IL34: variants seen among roughly 807,000 people sequenced by gnomAD.
IL34 encodes interleukin 34, also known as interleukin-34.
A neutral mutation model predicts 25.3 loss-of-function variants in IL34; 17 were observed. The ratio of observed to expected loss-of-function variants is 0.67; its 90% CI spans 0.46 to 1.01. IL34 has a LOEUF of 1.01. Among genes scored for constraint, IL34 ranks in the 50% least tolerant of loss-of-function variants. The pLI, the probability that IL34 is intolerant of heterozygous loss-of-function variation, is 0.00. For synonymous variants in IL34, 174 were observed against 140.9 expected, an observed-to-expected ratio of 1.23 and a Z score of -1.66; for missense variants, 368 against 312.9, an observed-to-expected ratio of 1.18 and a Z score of -1.33.
upstream of IL34, among the ~76,000 whole-genome samples, chr16:70,642,278 G>C (rs373543288): frequency 4.6e-5 from 7 of 150,726 alleles, no homozygotes; most frequent in Non-Finnish European, 7.4e-5. Context: ...CAGAGAGAGT[G>C]AGCGTACTCT....
At chr16:70,629,967 T>C (rs957997119) in intron 1 of IL34, among the ~76,000 whole-genome samples, 4 of 152,338 alleles carry the variant, frequency 2.6e-5, no homozygotes, top group South Asian at 2.1e-4. Flanking sequence ...GTCTATGTTT[T>C]TGTACCAACC....
chr16:70,634,070 C>CA (rs906585362), intron 1 of IL34, among the ~76,000 whole-genome samples: 1 of 151,928 alleles, frequency 6.6e-6, no homozygotes, highest in African/African-American at 2.4e-5. Context: ...AGGCTAGTCT[C>CA]AAACACCTGA....
intron 1 of IL34, among the ~76,000 whole-genome samples, chr16:70,607,412 C>G (rs919480118): frequency 6.6e-6 from 1 of 152,130 alleles, no homozygotes; most frequent in East Asian, 1.9e-4. Context: ...GCTGGATTTT[C>G]TATATAGATG....
chr16:70,645,667 GT>G (rs1345947067), upstream of IL34, among the ~76,000 whole-genome samples: 1 of 152,188 alleles, frequency 6.6e-6, no homozygotes, highest in Admixed American at 6.5e-5. Flanking sequence ...CCTTGGACAA[GT>G]GTCTTAACCT....
At chr16:70,605,489 A>G (rs2050989034) in intron 1 of IL34, among the ~76,000 whole-genome samples, 1 of 151,772 alleles carries the variant, frequency 6.6e-6, no homozygotes, top group Admixed American at 6.6e-5. Flanking sequence ...CCCAAATGAA[A>G]CTCTACCCAT....
At chr16:70,648,572 A>AAAG (rs1350295462) in intron 1 of IL34, among the ~76,000 whole-genome samples, 1 of 150,632 alleles carries the variant, frequency 6.6e-6, no homozygotes, top group African/African-American at 2.4e-5. Flanking sequence ...AAAAAAAAAA[A>AAAG]AAAGGAGAAA....
intron 1 of IL34, among the ~76,000 whole-genome samples, chr16:70,588,565 A>G (rs576332806): frequency 6.6e-6 from 1 of 152,166 alleles, no homozygotes; most frequent in Non-Finnish European, 1.5e-5. Context: ...ATATACCAAA[A>G]AGAACTAAAA....
intron 2 of IL34, among the ~76,000 whole-genome samples, chr16:70,656,233 C>G (rs965157773): frequency 3.3e-5 from 5 of 152,186 alleles, no homozygotes; most frequent in African/African-American, 1.2e-4. Context: ...GTTCTCTCCT[C>G]CTACATCAAA....
In IL34 at chr16:70,601,762, G is replaced by T. The variant is rs531798843; in HGVS notation, c.-401+21713G>T. 5.1e-4 allele frequency among the ~76,000 whole-genome samples: 77 copies of T among 152,312 alleles called. No homozygotes were observed. The South Asian group carries it at 0.014, about 28-fold the overall frequency. Reference sequence around the variant, plus strand: ...GTTTCCCAGCAGCCCCAGGTGGGATGGGGACAGAGGGAATGAAAGGCTATC... The same window carrying T: ...GTTTCCCAGCAGCCCCAGGTGGGATTGGGACAGAGGGAATGAAAGGCTATC... On this transcript the variant is annotated intron_variant, in intron 1 of 6. Coordinates refer to the IL34 transcript ENST00000429149.
Position 70,660,064 on chromosome 16 carries a change from G to T in IL34, c.606G>T (p.Glu202Asp). Residue 202 changes from glutamate to aspartate, a missense_variant, in exon 6 of 6, where the codon GAG becomes GAT. Coordinates refer to ENST00000288098, the MANE Select transcript of IL34 (RefSeq NM_001393494.1). ...CAAGTCCTCAGTCTTGCAGCCCAGA[G>T]CCCTCATTGCAGTATGCGGCCACCC... ...EVPSPQSCSP[E>D]PSLQYAATQL... 1 of 1,613,644 alleles carries T rather than the reference G, an allele frequency of 6.2e-7. No individual in the cohort carries two copies. The highest frequency in any genetic ancestry group is 1.1e-5 in the South Asian group (1 of 91,064).
rs1253810022 is a variant in IL34 at position 70,599,305 on chromosome 16, C to CTTTCTTTTCTTTCTTTCTTTCTTTCTTCT, written c.-401+19258_-401+19259insTCTTTTCTTTCTTTCTTTCTTTCTTCTTT. Among the ~76,000 whole-genome samples the CTTTCTTTTCTTTCTTTCTTTCTTTCTTCT allele has an allele frequency of 5.0e-4, 30 of 60,320 alleles. No homozygotes were observed. In the East Asian group the frequency reaches 8.2e-3, roughly 17 times the overall value. 39.6% of individuals were successfully genotyped at this position (60,320 alleles called of 152,430 possible). A position where few individuals can be genotyped will look rare whatever the true frequency, so the allele number is the denominator to read the frequency against. On this transcript the variant is annotated intron_variant, in intron 1 of 6. Transcript: ENST00000429149. ...TCTTTCTTTCTTTCTTCTTTCTTTCCTTCTTTCTTTCTTTTCTTTCTTTCT... is the reference window on the plus strand; with the variant it reads ...TCTTTCTTTCTTTCTTCTTTCTTTCCTTTCTTTTCTTTCTTTCTTTCTTTCTTCTTTCTTTCTTTCTTTTCTTTCTTTCT...
At position 70,635,830 on chromosome 16, in the gene IL34, T is replaced by C. The variant is rs12102525; in HGVS notation, c.-400-10718T>C. On this transcript the variant is annotated intron_variant, in intron 1 of 6. Transcript: ENST00000429149. ...AACAATAGCAAATACCAAGATAGCA[T>C]GTACTGTATGCCAGCTCATGTTCTA... is the stretch of plus-strand genomic sequence containing the variant. Among the ~76,000 whole-genome samples, 765 of 152,170 alleles carry C rather than the reference T, an allele frequency of 5.0e-3. 4 individuals carry two copies. The highest frequency in any genetic ancestry group is 0.017 in the African/African-American group (715 of 41,480).
chr16:70,608,140 T>G (rs2051038246), intron 1 of IL34, among the ~76,000 whole-genome samples: 1 of 145,508 alleles, frequency 6.9e-6, no homozygotes, highest in Non-Finnish European at 1.5e-5. Flanking sequence ...TTTTTTTTTT[T>G]TTTTTTGAGA....
At chr16:70,626,385 GGTTT>G (rs1024696120) in intron 1 of IL34, among the ~76,000 whole-genome samples, 8 of 152,008 alleles carry the variant, frequency 5.3e-5, no homozygotes, top group Admixed American at 1.3e-4. Context: ...GATGTGTGTG[GGTTT>G]GTTTGTTTTT....
At chr16:70,583,689 G>C (rs1597731856) in intron 1 of IL34, among the ~76,000 whole-genome samples, 3 of 152,180 alleles carry the variant, frequency 2.0e-5, no homozygotes, top group Admixed American at 2.0e-4. Context: ...GGAGGACTCT[G>C]TCACCCAGGC....
At chr16:70,625,309 T>C (rs1267334286) in intron 1 of IL34, among the ~76,000 whole-genome samples, 2 of 151,506 alleles carry the variant, frequency 1.3e-5, no homozygotes. Context: ...GTTCGGGGGT[T>C]CTTACCCTCC....
chr16:70,618,289 T>C (rs1440260746), intron 1 of IL34, among the ~76,000 whole-genome samples: 1 of 151,630 alleles, frequency 6.6e-6, no homozygotes, highest in Non-Finnish European at 1.5e-5. Flanking sequence ...GGAAATGGGG[T>C]TAATGTCAGG....
intron 1 of IL34, among the ~76,000 whole-genome samples, chr16:70,648,197 G>C (rs2051988455): frequency 1.3e-5 from 2 of 152,204 alleles, no homozygotes; most frequent in Admixed American, 1.3e-4. Flanking sequence ...GTGTTTGTAG[G>C]AGTTACTGCT....
At chr16:70,619,580 G>C (rs1460488375) in intron 1 of IL34, among the ~76,000 whole-genome samples, 2 of 151,606 alleles carry the variant, frequency 1.3e-5, no homozygotes, top group Admixed American at 1.3e-4. Flanking sequence ...AAGGGAAACA[G>C]GCCCTTGAAA....
Sources: allele counts gnomAD v4.1 joint callset (sites outside exome capture counted in the v4.1 genomes callset), GRCh38; gene constraint gnomAD v4.1.1; transcripts MANE v1.5; gene names NCBI Gene and HGNC (gene_info 2026-07-23, HGNC 2026-07-21).